Variants in CGNL1 observed in about 807,000 individuals in gnomAD.
CGNL1 encodes the protein cingulin-like protein 1.
A neutral mutation model predicts 141.2 loss-of-function variants in CGNL1; 132 were observed. The ratio of observed to expected loss-of-function variants is 0.93; its 90% CI spans 0.81 to 1.08. CGNL1 has a LOEUF of 1.08. CGNL1 is among the 50% of genes least tolerant of loss of function. The pLI is 0.00. For missense variants in CGNL1, 1,870 were observed against 1,588.6 expected (o/e 1.18, Z -3.01); for synonymous variants, 690 against 622.1 (o/e 1.11, Z -1.63).
chr15:57,512,858 C>T (rs141304659), intron 8 of CGNL1, among the ~76,000 whole-genome samples: 24 of 152,200 alleles, frequency 1.6e-4, no homozygotes, highest in African/African-American at 5.5e-4. Context: ...TCTCTAACAC[C>T]TCAGCAAACC....
intron 8 of CGNL1, among the ~76,000 whole-genome samples, chr15:57,512,648 A>C (rs1299332501): frequency 6.6e-6 from 1 of 152,234 alleles, no homozygotes; most frequent in South Asian, 2.1e-4. Flanking sequence ...AGTTCTAAAC[A>C]TCACAATTCA....
chr15:57,547,447 G>A lies in CGNL1; in HGVS notation c.3866G>A (p.Ser1289Asn), dbSNP rs111610864. The A allele has an allele frequency of 1.5e-5, 25 of 1,614,126 alleles. No homozygotes were observed. The African/African-American group carries it at 1.7e-4, about 11-fold the overall frequency. Residue 1289 changes from serine to asparagine, a missense_variant, in exon 19 of 19, where the codon AGC (serine) becomes AAC (asparagine). Ser to Asn is a conservative substitution (Grantham distance 46, BLOSUM62 1). Coordinates refer to ENST00000281282, the MANE Select transcript of CGNL1 (RefSeq NM_032866.5). ...GGAAGCCTCTATGAGGCGCCTGTGA[G>A]CTACACATTCTCCAAGGACAGCACC... Reference protein sequence around the residue: ...DGGSLYEAPVSYTFSKDSTVA... With the variant: ...DGGSLYEAPVNYTFSKDSTVA...
chr15:57,396,321 C>G (rs1207570123), intron 1 of CGNL1, among the ~76,000 whole-genome samples: 1 of 147,860 alleles, frequency 6.8e-6, no homozygotes, highest in Non-Finnish European at 1.5e-5. Flanking sequence ...GTTGCCCAGG[C>G]TGGAGTACAG....
At chr15:57,453,948 G>A in intron 7 of CGNL1, 130 bp downstream of exon 7, 5 of 993,144 alleles carry the variant, frequency 5.0e-6, no homozygotes, top group Non-Finnish European at 5.9e-6. Context: ...CTTATGATCT[G>A]TGAGTCAGTG....
At chr15:57,458,851 G>A (rs770014803) in intron 7 of CGNL1, among the ~76,000 whole-genome samples, 2 of 152,174 alleles carry the variant, frequency 1.3e-5, no homozygotes, top group African/African-American at 2.4e-5. Context: ...AGCCGGCCTC[G>A]TTACCTGCAT....
In CGNL1 at chr15:57,521,661, A is replaced by C. The variant is rs561216166; in HGVS notation, c.2716-1828A>C. Among the ~76,000 whole-genome samples the C allele has an allele frequency of 2.3e-3, 356 of 152,322 alleles. 1 individual carries two copies. The highest frequency in any genetic ancestry group is 8.0e-3 in the African/African-American group (333 of 41,560). Reference sequence around the variant, plus strand: ...GGGGTGGCAGGTGTTGGCAGGCCCTAGGCCCAGAGTGGTGAGTCTGTGGTG... The same window carrying C: ...GGGGTGGCAGGTGTTGGCAGGCCCTCGGCCCAGAGTGGTGAGTCTGTGGTG... On this transcript the variant is annotated intron_variant, in intron 10 of 18. Coordinates refer to ENST00000281282, the MANE Select transcript of CGNL1 (RefSeq NM_032866.5).
intron 4 of CGNL1, among the ~76,000 whole-genome samples, chr15:57,448,546 G>A (rs543172156): frequency 1.3e-5 from 2 of 152,132 alleles, no homozygotes; most frequent in Non-Finnish European, 2.9e-5. Flanking sequence ...TATTTGGGAG[G>A]CTGAGGCAGG....
intron 8 of CGNL1, among the ~76,000 whole-genome samples, chr15:57,505,034 G>C (rs1723118908): frequency 6.6e-6 from 1 of 152,136 alleles, no homozygotes; most frequent in South Asian, 2.1e-4. Context: ...TTGAGGGAGG[G>C]GGTGGCATTT....
chr15:57,485,810 G>A (rs146748728), intron 8 of CGNL1, among the ~76,000 whole-genome samples: 1 of 152,238 alleles, frequency 6.6e-6, no homozygotes, highest in East Asian at 1.9e-4. Context: ...TCAGATAGAC[G>A]TACATAGAAT....
Position 57,523,575 on chromosome 15 carries a change from G to A in CGNL1, c.2802G>A (p.Arg934=), listed in dbSNP as rs566091148. The part of the protein sequence containing the change: ...EESEQKEQLR[R]LKNEMENERW... ...GTGAGCAGAAGGAGCAGCTAAGAAG[G>A]TTGAAGAACGAGATGGAGAATGAGC... Residue 934 remains arginine, a synonymous_variant, in exon 11 of 19, where the codon AGG becomes AGA. Coordinates refer to ENST00000281282, the MANE Select transcript of CGNL1 (RefSeq NM_032866.5). The A allele has an allele frequency of 2.5e-6, 4 of 1,614,224 alleles. No individual in the cohort carries two copies. In the South Asian group the frequency reaches 4.4e-5, roughly 18 times the overall value.
At chr15:57,476,136 G>A (rs976083504) in intron 8 of CGNL1, among the ~76,000 whole-genome samples, 1 of 152,122 alleles carries the variant, frequency 6.6e-6, no homozygotes, top group African/African-American at 2.4e-5. Flanking sequence ...CAGCCAGTTC[G>A]GTGTGGGGCA....
intron 7 of CGNL1, among the ~76,000 whole-genome samples, chr15:57,454,202 C>G (rs572216641): frequency 6.6e-6 from 1 of 152,128 alleles, no homozygotes; most frequent in South Asian, 2.1e-4. Context: ...TTTGCTGTAA[C>G]ATTATCATCA....
chr15:57,528,603 C>T, intron 12 of CGNL1, 51 bp from the exon 13 acceptor site: 1 of 1,597,530 alleles, frequency 6.3e-7, no homozygotes, highest in Non-Finnish European at 8.6e-7. Context: ...GTGGAGGTCT[C>T]TATGCTCTTG....
chr15:57,423,741 T>C (rs759121863), intron 1 of CGNL1, among the ~76,000 whole-genome samples: 33 of 152,204 alleles, frequency 2.2e-4, no homozygotes, highest in Admixed American at 2.0e-4. Context: ...TCCTTCTCAG[T>C]TGTCTGTGTC....
chr15:57,441,602 C>G (rs2063188193), intron 3 of CGNL1, among the ~76,000 whole-genome samples: 1 of 152,112 alleles, frequency 6.6e-6, no homozygotes, highest in African/African-American at 2.4e-5. Context: ...CTCCTGACCT[C>G]AAGTGATCCA....
chr15:57,476,083 C>T (rs1375531594), intron 8 of CGNL1, among the ~76,000 whole-genome samples: 1 of 152,190 alleles, frequency 6.6e-6, no homozygotes, highest in Admixed American at 6.5e-5. Flanking sequence ...GGCCTCTGCT[C>T]TCAACTCTTC....
intron 8 of CGNL1, among the ~76,000 whole-genome samples, chr15:57,484,710 C>T (rs2063765812): frequency 6.6e-6 from 1 of 152,196 alleles, no homozygotes; most frequent in Non-Finnish European, 1.5e-5. Context: ...TGAGCTTCCT[C>T]CCCTTACCCC....
chr15:57,531,362 T>C (rs2031942747), intron 13 of CGNL1, among the ~76,000 whole-genome samples: 4 of 152,182 alleles, frequency 2.6e-5, no homozygotes, highest in Admixed American at 2.6e-4. Context: ...TTTAAAGTTA[T>C]TGATTCACAG....
intron 14 of CGNL1, among the ~76,000 whole-genome samples, chr15:57,537,936 T>A (rs1287879458): frequency 2.6e-5 from 4 of 152,252 alleles, no homozygotes; most frequent in Non-Finnish European, 5.9e-5. Flanking sequence ...AGAAATACTT[T>A]CCCAGCCTTG....
Sources: allele counts gnomAD v4.1 joint callset (sites outside exome capture counted in the v4.1 genomes callset), GRCh38; gene constraint gnomAD v4.1.1; transcripts MANE v1.5; gene names NCBI Gene and HGNC (gene_info 2026-07-23, HGNC 2026-07-21).